Variants in MAF observed in about 807,000 individuals in gnomAD.
The protein encoded by MAF is MAF bZIP transcription factor.
A neutral mutation model predicts 22.0 loss-of-function variants in MAF; 10 were observed. That is an observed-to-expected ratio of 0.45 (90% CI 0.28 to 0.77). The LOEUF (loss-of-function observed/expected upper bound fraction) is 0.77, where lower values mean the gene tolerates loss of function less well. Ranked by LOEUF, MAF falls within the 30% of genes least tolerant of loss-of-function variation. MAF has a pLI of 0.12. For missense variants in MAF, 544 were observed against 548.4 expected (o/e 0.99, Z 0.08); for synonymous variants, 337 against 255.8 (o/e 1.32, Z -3.03).
the MAF span, among the ~76,000 whole-genome samples, chr16:79,579,783 A>C: frequency 4.6e-5 from 7 of 152,192 alleles, no homozygotes; most frequent in African/African-American, 1.7e-4. Flanking sequence ...GTCATTGTTT[A>C]ACCATGGCAA....
chr16:79,268,017 G>A, the MAF span, among the ~76,000 whole-genome samples: 3 of 152,098 alleles, frequency 2.0e-5, no homozygotes, highest in African/African-American at 7.2e-5. Flanking sequence ...TGTCCGGGTG[G>A]CACTGAGTCA....
the MAF span, among the ~76,000 whole-genome samples, chr16:79,494,536 C>T: frequency 6.6e-6 from 1 of 152,144 alleles, no homozygotes; most frequent in Non-Finnish European, 1.5e-5. Context: ...GTATTCCCAC[C>T]CCAGAGAATC....
At chr16:79,207,655 T>A in the MAF span, among the ~76,000 whole-genome samples, 9 of 152,302 alleles carry the variant, frequency 5.9e-5, 1 homozygote, top group Admixed American at 2.6e-4. Flanking sequence ...AAGACAGGAA[T>A]CTCCTCTTTC....
chr16:79,418,996 G>A, the MAF span, among the ~76,000 whole-genome samples: 4 of 152,194 alleles, frequency 2.6e-5, no homozygotes, highest in Non-Finnish European at 5.9e-5. Flanking sequence ...GCTATTTTGT[G>A]GTATGTTAAT....
At chr16:79,215,842 T>A in the MAF span, among the ~76,000 whole-genome samples, 6 of 152,192 alleles carry the variant, frequency 3.9e-5, no homozygotes, top group African/African-American at 1.4e-4. Flanking sequence ...CACAACGTCC[T>A]ACTCCACTTT....
chr16:79,412,348 T>C, the MAF span, among the ~76,000 whole-genome samples: 2 of 152,142 alleles, frequency 1.3e-5, no homozygotes, highest in African/African-American at 4.8e-5. Context: ...TGTGGAGGTG[T>C]TGGGGAAGGG....
At chr16:79,526,718 G>C in the MAF span, among the ~76,000 whole-genome samples, 1 of 152,294 alleles carries the variant, frequency 6.6e-6, no homozygotes, top group East Asian at 1.9e-4. Context: ...CTGATCCGTA[G>C]CATTTGTTCA....
the MAF span, among the ~76,000 whole-genome samples, chr16:79,490,034 G>C: frequency 3.3e-5 from 5 of 152,186 alleles, no homozygotes; most frequent in Non-Finnish European, 7.3e-5. Flanking sequence ...GGAAAGACAA[G>C]TTGGTTTGGA....
At chr16:79,255,857 G>C in the MAF span, among the ~76,000 whole-genome samples, 1 of 152,170 alleles carries the variant, frequency 6.6e-6, no homozygotes, top group African/African-American at 2.4e-5. Flanking sequence ...GCCTGGAAGA[G>C]GAGCAATGTT....
At chr16:79,519,942 G>A in the MAF span, among the ~76,000 whole-genome samples, 2 of 152,230 alleles carry the variant, frequency 1.3e-5, no homozygotes, top group African/African-American at 4.8e-5. Context: ...GTTTGTCAAT[G>A]CAAGACCTTC....
the MAF span, among the ~76,000 whole-genome samples, chr16:79,410,152 C>T: frequency 5.3e-5 from 8 of 152,298 alleles, no homozygotes; most frequent in African/African-American, 1.7e-4. Flanking sequence ...AGGCAAACAT[C>T]GAGCTGTAAC....
At chr16:79,477,266 G>C in the MAF span, among the ~76,000 whole-genome samples, 1 of 152,208 alleles carries the variant, frequency 6.6e-6, no homozygotes, top group South Asian at 2.1e-4. Flanking sequence ...GTGGCCAAAA[G>C]ATGCCACTTC....
chr16:79,457,606 A>G, the MAF span, among the ~76,000 whole-genome samples: 1 of 152,202 alleles, frequency 6.6e-6, no homozygotes. Context: ...AATAAATTAT[A>G]CATGTGTACA....
the MAF span, among the ~76,000 whole-genome samples, chr16:79,329,407 T>G: frequency 1.3e-5 from 2 of 152,166 alleles, no homozygotes. Flanking sequence ...CAAATGAGAT[T>G]TCACAACACC....
the MAF span, among the ~76,000 whole-genome samples, chr16:79,249,418 C>T: frequency 2.9e-5 from 3 of 102,480 alleles, no homozygotes; most frequent in Non-Finnish European, 5.7e-5. Flanking sequence ...AACTCCGTTT[C>T]AAAAAAAAAA....
chr16:79,532,722 G>A, the MAF span, among the ~76,000 whole-genome samples: 94 of 152,334 alleles, frequency 6.2e-4, no homozygotes, highest in African/African-American at 2.2e-3. Context: ...GTGCATGCGT[G>A]AGTGCAGATA....
the MAF span, among the ~76,000 whole-genome samples, chr16:79,344,672 A>G: frequency 1.3e-5 from 2 of 152,212 alleles, no homozygotes; most frequent in Non-Finnish European, 2.9e-5. Context: ...AATCATAGTT[A>G]GCCACTTTGA....
At chr16:79,419,361 G>A in the MAF span, among the ~76,000 whole-genome samples, 1 of 152,202 alleles carries the variant, frequency 6.6e-6, no homozygotes, top group African/African-American at 2.4e-5. Context: ...GTTTGACTCA[G>A]CACAAATGGA....
intron 1 of MAF, among the ~76,000 whole-genome samples, chr16:79,588,639 T>C (rs1597835455): frequency 6.6e-6 from 1 of 152,040 alleles, no homozygotes; most frequent in Non-Finnish European, 1.5e-5. Context: ...CTTATGTATT[T>C]TTAGTAGAGA....
Sources: allele counts gnomAD v4.1 joint callset (sites outside exome capture counted in the v4.1 genomes callset), GRCh38; gene constraint gnomAD v4.1.1; transcripts MANE v1.5; gene names NCBI Gene and HGNC (gene_info 2026-07-23, HGNC 2026-07-21).